The following OXR1 variants were observed in gnomAD, a reference collection of about 807,000 sequenced individuals.
OXR1 encodes oxidation resistance 1.
Under a neutral mutation model 104.6 loss-of-function variants are expected in OXR1, and 41 were observed. The ratio of observed to expected loss-of-function variants is 0.39; its 90% confidence interval spans 0.31 to 0.51. The LOEUF is 0.51. Among genes scored for constraint, OXR1 ranks in the 20% least tolerant of loss-of-function variants. The probability of loss-of-function intolerance (pLI) is 0.77; values close to 1 mark genes in which losing one functional copy is unlikely to be tolerated. For synonymous variants in OXR1, 348 were observed against 348.4 expected (o/e 1.00, Z 0.01); for missense variants, 955 against 1,031.9 (o/e 0.93, Z 1.02).
intron 2 of OXR1, among the ~76,000 whole-genome samples, chr8:106,395,435 G>A (rs1817737891): frequency 6.6e-6 from 1 of 152,160 alleles, no homozygotes; most frequent in Non-Finnish European, 1.5e-5. Context: ...CATGGCAGCA[G>A]CAAGAGACAA....
chr8:106,737,087 G>A (rs576421429), intron 11 of OXR1, among the ~76,000 whole-genome samples: 214 of 152,154 alleles, frequency 1.4e-3, no homozygotes, highest in African/African-American at 4.9e-3. Flanking sequence ...AATTCTTCCA[G>A]CATGGCCATT....
intron 2 of OXR1, among the ~76,000 whole-genome samples, chr8:106,465,022 C>A (rs1207616086): frequency 1.3e-5 from 2 of 151,780 alleles, no homozygotes; most frequent in African/African-American, 4.8e-5. Flanking sequence ...GGGAGATAAG[C>A]AAGGTACCTT....
chr8:106,369,460 G>C (rs932925194), intron 2 of OXR1, among the ~76,000 whole-genome samples: 8 of 152,190 alleles, frequency 5.3e-5, no homozygotes, highest in Non-Finnish European at 8.8e-5. Context: ...TTTTAGTCAT[G>C]AAGCCTTTGC....
At chr8:106,702,529 C>T (rs1434432860) in intron 7 of OXR1, among the ~76,000 whole-genome samples, 1 of 152,096 alleles carries the variant, frequency 6.6e-6, no homozygotes, top group South Asian at 2.1e-4. Context: ...GCACTGTATA[C>T]ATGACACTGT....
At chr8:106,440,030 G>T (rs16874643) in intron 2 of OXR1, among the ~76,000 whole-genome samples, 34,382 of 151,978 alleles carry the variant, frequency 0.23, 5,403 homozygotes, top group African/African-American at 0.42. Flanking sequence ...AAATTTCACT[G>T]AATTGACCTT....
intron 1 of OXR1, among the ~76,000 whole-genome samples, chr8:106,306,012 C>T (rs1813450811): frequency 6.6e-6 from 1 of 151,444 alleles, no homozygotes; most frequent in South Asian, 2.1e-4. Flanking sequence ...TTTAGGTTAC[C>T]CTTCTTGTGC....
At chr8:106,507,482 A>T (rs1022741051) in intron 2 of OXR1, among the ~76,000 whole-genome samples, 6 of 152,366 alleles carry the variant, frequency 3.9e-5, no homozygotes, top group African/African-American at 1.4e-4. Context: ...AGAAAAATAA[A>T]TATCAAAAAG....
chr8:106,447,993 C>G (rs1481799031), intron 2 of OXR1: 1 of 1,530,850 alleles, frequency 6.5e-7, no homozygotes, highest in Non-Finnish European at 8.7e-7. Context: ...TCCCACACAG[C>G]TATAAGGTTG....
chr8:106,652,478 A>T (rs1324882130), intron 3 of OXR1, among the ~76,000 whole-genome samples: 1 of 152,076 alleles, frequency 6.6e-6, no homozygotes, highest in Admixed American at 6.6e-5. Context: ...GAAATTTGGG[A>T]AATTCACAAA....
At chr8:106,694,413 TTA>T (rs1003110339) in intron 7 of OXR1, among the ~76,000 whole-genome samples, 35 of 140,554 alleles carry the variant, frequency 2.5e-4, no homozygotes, top group Non-Finnish European at 4.4e-4. Flanking sequence ...ATATATATAT[TTA>T]TATATATATT....
intron 3 of OXR1, among the ~76,000 whole-genome samples, chr8:106,649,068 G>C (rs1385868970): frequency 1.3e-5 from 2 of 152,114 alleles, no homozygotes; most frequent in Non-Finnish European, 2.9e-5. Flanking sequence ...AGTTGGGTGT[G>C]ATAGCATGTG....
chr8:106,615,109 A>G (rs1173430060), intron 3 of OXR1, among the ~76,000 whole-genome samples: 1 of 152,132 alleles, frequency 6.6e-6, no homozygotes, highest in Admixed American at 6.5e-5. Flanking sequence ...ACTTGAGCTC[A>G]AGAGTTTGAG....
intron 3 of OXR1, among the ~76,000 whole-genome samples, chr8:106,540,614 A>G (rs1814879645): frequency 6.6e-6 from 1 of 152,144 alleles, no homozygotes; most frequent in African/African-American, 2.4e-5. Flanking sequence ...CTGTTGTATT[A>G]GTCTGTTTTC....
intron 3 of OXR1, among the ~76,000 whole-genome samples, chr8:106,539,953 AT>A (rs1814824968): frequency 6.6e-6 from 1 of 152,218 alleles, no homozygotes; most frequent in African/African-American, 2.4e-5. Context: ...AATAGAAAAA[AT>A]AATATTTATA....
At chr8:106,702,216 T>C (rs895102682) in intron 7 of OXR1, among the ~76,000 whole-genome samples, 10 of 152,178 alleles carry the variant, frequency 6.6e-5, no homozygotes, top group Admixed American at 6.5e-4. Context: ...CACTTTGGCC[T>C]CCCAAAGTGC....
At chr8:106,399,942 T>C (rs1283933434) in intron 2 of OXR1, among the ~76,000 whole-genome samples, 1 of 152,210 alleles carries the variant, frequency 6.6e-6, no homozygotes, top group African/African-American at 2.4e-5. Flanking sequence ...TCCTTGTTTC[T>C]GATTAATTAA....
chr8:106,674,990 G>A (rs1205761053), intron 3 of OXR1, among the ~76,000 whole-genome samples: 1 of 152,110 alleles, frequency 6.6e-6, no homozygotes, highest in Non-Finnish European at 1.5e-5. Flanking sequence ...AATACATAAG[G>A]ATACAGAAAT....
At chr8:106,530,025 C>A (rs185872177) in intron 3 of OXR1, among the ~76,000 whole-genome samples, 1 of 152,170 alleles carries the variant, frequency 6.6e-6, no homozygotes, top group Admixed American at 6.5e-5. Flanking sequence ...CGTCTATGAA[C>A]ATCCCATTTC....
chr8:106,401,747 G>A (rs866461147), intron 2 of OXR1, among the ~76,000 whole-genome samples: 4 of 152,248 alleles, frequency 2.6e-5, no homozygotes, highest in Middle Eastern at 6.8e-3. Context: ...CACCTAAGTA[G>A]AAAGCCTCTG....
Sources: allele counts gnomAD v4.1 joint callset (sites outside exome capture counted in the v4.1 genomes callset), GRCh38; gene constraint gnomAD v4.1.1; transcripts MANE v1.5; gene names NCBI Gene and HGNC (gene_info 2026-07-23, HGNC 2026-07-21).